ADAMTS17: variants seen among roughly 807,000 people sequenced by gnomAD.
ADAMTS17 encodes ADAM metallopeptidase with thrombospondin type 1 motif 17, also known as A disintegrin and metalloproteinase with thrombospondin motifs 17.
Under a neutral mutation model 141.5 loss-of-function variants are expected in ADAMTS17, and 113 were observed. The ratio of observed to expected loss-of-function variants is 0.80; its 90% CI spans 0.69 to 0.93. ADAMTS17 has a LOEUF of 0.93. Among genes scored for constraint, ADAMTS17 ranks in the 40% least tolerant of loss-of-function variants. The pLI is 0.00. For missense variants in ADAMTS17, 1,659 were observed against 1,517.9 expected, an observed-to-expected ratio of 1.09 and a Z score of -1.54; for synonymous variants, 768 against 630.6, an observed-to-expected ratio of 1.22 and a Z score of -3.27.
intron 12 of ADAMTS17, 91 bp downstream of exon 12, chr15:100,131,916 A>G: frequency 1.3e-6 from 2 of 1,589,946 alleles, no homozygotes; most frequent in Non-Finnish European, 1.7e-6. Flanking sequence ...GCTCAGCGGG[A>G]GACAGACCCT....
chr15:100,192,551 T>G (rs573073117), intron 8 of ADAMTS17, among the ~76,000 whole-genome samples: 11 of 152,306 alleles, frequency 7.2e-5, no homozygotes, highest in Admixed American at 4.6e-4. Flanking sequence ...TGCCGGCCCA[T>G]CTGATGTCTG....
Position 99,974,408 on chromosome 15 carries a change from G to GC in ADAMTS17, c.3281_3282insG (p.Asn1094LysfsTer45). 1.2e-6 allele frequency: 2 copies of GC among 1,614,208 alleles called. No individual in the cohort carries two copies. Among genetic ancestry groups the GC allele is most frequent in the African/African-American group, 2.7e-5 (2 of 75,066 alleles). On this transcript the variant is annotated frameshift_variant, in exon 22 of 22. Coordinates refer to ENST00000268070, the MANE Select transcript of ADAMTS17 (RefSeq NM_139057.4). LOFTEE classifies it high-confidence loss of function. ...CGACCCTTGGGACTGCGTGTCACGA[G>GC]TTCGGCGGTGGCTGGCGCATCTTGT...
chr15:100,309,847 C>T (rs755168154), intron 3 of ADAMTS17, among the ~76,000 whole-genome samples: 10 of 152,188 alleles, frequency 6.6e-5, no homozygotes, highest in African/African-American at 9.7e-5. Flanking sequence ...CTGCTGCCCC[C>T]GACCACAGTA....
chr15:100,121,574 C>A (rs934988764), intron 12 of ADAMTS17, among the ~76,000 whole-genome samples: 2 of 152,100 alleles, frequency 1.3e-5, no homozygotes, highest in African/African-American at 4.8e-5. Flanking sequence ...AACCGTCAAG[C>A]AAGAACTCTA....
At chr15:100,124,737 A>T (rs774504267) in intron 12 of ADAMTS17, among the ~76,000 whole-genome samples, 1 of 145,148 alleles carries the variant, frequency 6.9e-6, no homozygotes, top group Non-Finnish European at 1.5e-5. Flanking sequence ...AAAATAAGCA[A>T]AAGAGTAAGG....
At chr15:100,096,591 C>G in intron 14 of ADAMTS17, 115 bp from the exon 15 acceptor site, 1 of 1,368,130 alleles carries the variant, frequency 7.3e-7, no homozygotes, top group Non-Finnish European at 1.0e-6. Context: ...GCCTGGGGCC[C>G]TGATCCATTC....
intron 18 of ADAMTS17, among the ~76,000 whole-genome samples, chr15:100,025,326 G>T (rs546274115): frequency 6.6e-6 from 1 of 151,424 alleles, no homozygotes; most frequent in African/African-American, 2.4e-5. Flanking sequence ...TTTTTGAATC[G>T]GTTTCTTTTA....
At chr15:100,217,405 C>T (rs920339935) in intron 7 of ADAMTS17, among the ~76,000 whole-genome samples, 2 of 152,120 alleles carry the variant, frequency 1.3e-5, no homozygotes, top group African/African-American at 4.8e-5. Flanking sequence ...CAAGACCAGC[C>T]TGGCCAACAC....
At chr15:100,109,858 C>A (rs566801883) in intron 13 of ADAMTS17, among the ~76,000 whole-genome samples, 5 of 152,218 alleles carry the variant, frequency 3.3e-5, no homozygotes, top group Non-Finnish European at 7.4e-5. Context: ...GAAGCTTCCA[C>A]CCTGCAGCTC....
chr15:100,157,960 A>C (rs887173389), intron 8 of ADAMTS17, among the ~76,000 whole-genome samples: 1 of 150,736 alleles, frequency 6.6e-6, no homozygotes, highest in Non-Finnish European at 1.5e-5. Flanking sequence ...AGAATCTCGG[A>C]TCACTGCAAC....
At chr15:100,051,444 G>C in intron 17 of ADAMTS17, 128 bp downstream of exon 17, 1 of 1,346,322 alleles carries the variant, frequency 7.4e-7, no homozygotes, top group Admixed American at 1.7e-5. Flanking sequence ...TTTTCGGTGG[G>C]ATATGGTTAA....
At chr15:100,210,284 T>C (rs1375538739) in intron 7 of ADAMTS17, among the ~76,000 whole-genome samples, 1 of 103,420 alleles carries the variant, frequency 9.7e-6, no homozygotes, top group African/African-American at 3.9e-5. Context: ...CAGGGAGGGG[T>C]AAGTAATGAG....
At chr15:100,340,496 C>G (rs1299946527) in intron 2 of ADAMTS17, among the ~76,000 whole-genome samples, 6 of 152,204 alleles carry the variant, frequency 3.9e-5, no homozygotes, top group Non-Finnish European at 5.9e-5. Flanking sequence ...TACGTTTCAG[C>G]TAGGAAGAGT....
chr15:100,240,972 C>G (rs1011803478), intron 7 of ADAMTS17, among the ~76,000 whole-genome samples: 1 of 152,086 alleles, frequency 6.6e-6, no homozygotes, highest in African/African-American at 2.4e-5. Flanking sequence ...ATTACAGGTG[C>G]CCGCCACCAA....
intron 13 of ADAMTS17, among the ~76,000 whole-genome samples, chr15:100,112,226 G>A (rs563192635): frequency 2.0e-5 from 3 of 152,154 alleles, no homozygotes; most frequent in Non-Finnish European, 4.4e-5. Context: ...TGCTGGCCAC[G>A]AGCCTTGCAC....
At chr15:100,192,169 G>C (rs1398329170) in intron 8 of ADAMTS17, among the ~76,000 whole-genome samples, 1 of 152,228 alleles carries the variant, frequency 6.6e-6, no homozygotes, top group Non-Finnish European at 1.5e-5. Context: ...GCCAAGTGCA[G>C]AGGAAACGTA....
chr15:100,187,074 C>T (rs534155423), intron 8 of ADAMTS17, among the ~76,000 whole-genome samples: 2 of 152,282 alleles, frequency 1.3e-5, no homozygotes, highest in African/African-American at 4.8e-5. Flanking sequence ...TGTGAAGCAA[C>T]TATTGACCTC....
rs752174860 is a variant in ADAMTS17, at chr15:99,972,841, T to A, written c.*1561A>T. ...AGAAGGCAGAGAGGCTTCTTTCTGA[T>A]TTAAGCTAACTCTACGGTTGTGACA... is the stretch of plus-strand genomic sequence containing the variant. On this transcript the variant is annotated 3_prime_UTR_variant, in exon 22 of 22. Transcript: ENST00000268070. The A allele has an allele frequency of 6.6e-6, 1 of 152,110 alleles. No individual in the cohort carries two copies. Among genetic ancestry groups the A allele is most frequent in the Admixed American group, 6.6e-5 (1 of 15,266 alleles). The allele number at this position is 152,110 out of a possible 1,614,324, so 9.4% of individuals were successfully genotyped here.
At chr15:99,985,674 G>T (rs1452246348) in intron 20 of ADAMTS17, among the ~76,000 whole-genome samples, 5 of 152,112 alleles carry the variant, frequency 3.3e-5, no homozygotes, top group Non-Finnish European at 5.9e-5. Context: ...AGCCAAGGTG[G>T]ATTACCAGCT....
Sources: gnomAD v4.1 joint callset for allele counts (sites outside exome capture counted in the v4.1 genomes callset) on GRCh38, gnomAD v4.1.1 for gene constraint, MANE v1.5 for transcripts, NCBI Gene and HGNC (gene_info 2026-07-23, HGNC 2026-07-21) for gene names.